Variants in ATG7 observed in about 807,000 individuals in gnomAD.
ATG7 encodes the protein ubiquitin-like modifier-activating enzyme ATG7.
Under a neutral mutation model 82.4 loss-of-function variants are expected in ATG7, and 70 were observed. The observed-to-expected ratio is 0.85, with a 90% confidence interval of 0.70 to 1.04. ATG7 has a LOEUF of 1.04. Among genes scored for constraint, ATG7 ranks in the 50% least tolerant of loss-of-function variants. The pLI is 0.00. For synonymous variants in ATG7, 287 were observed against 313.0 expected (o/e 0.92, Z 0.88); for missense variants, 792 against 864.3 (o/e 0.92, Z 1.05).
intron 3 of ATG7, among the ~76,000 whole-genome samples, chr3:11,294,017 C>CAAAAAAA (rs148344958): frequency 1.0e-5 from 1 of 98,446 alleles, no homozygotes; most frequent in Non-Finnish European, 2.0e-5. Flanking sequence ...GACTCCGTCT[C>CAAAAAAA]AAAAAAAAAA....
intron 14 of ATG7, among the ~76,000 whole-genome samples, chr3:11,355,457 G>A (rs2075868299): frequency 6.6e-6 from 1 of 152,176 alleles, no homozygotes; most frequent in Non-Finnish European, 1.5e-5. Context: ...GCCAAACTGA[G>A]AAGACATGTG....
At chr3:11,455,262 C>T (rs1483565946) in intron 20 of ATG7, among the ~76,000 whole-genome samples, 1 of 152,216 alleles carries the variant, frequency 6.6e-6, no homozygotes, top group African/African-American at 2.4e-5. Context: ...AACTTAACTA[C>T]AGTAGTAAAG....
intron 20 of ATG7, among the ~76,000 whole-genome samples, chr3:11,511,352 T>TA (rs2092043456): frequency 6.6e-6 from 1 of 152,178 alleles, no homozygotes; most frequent in African/African-American, 2.4e-5. Context: ...ATTAGTTAGA[T>TA]ACAGAGTTTC....
intron 20 of ATG7, among the ~76,000 whole-genome samples, chr3:11,516,447 C>T (rs538784561): frequency 4.6e-5 from 7 of 152,190 alleles, no homozygotes; most frequent in South Asian, 2.1e-4. Flanking sequence ...CTGACAACAC[C>T]GAATGGTAGT....
chr3:11,396,869 A>G (rs1186770950), intron 19 of ATG7, among the ~76,000 whole-genome samples: 2 of 152,150 alleles, frequency 1.3e-5, no homozygotes, highest in Admixed American at 6.5e-5. Context: ...AGGTTCTTGC[A>G]TTGTCTTGGA....
At chr3:11,278,918 T>G (rs1411447689) in intron 1 of ATG7, among the ~76,000 whole-genome samples, 1 of 152,150 alleles carries the variant, frequency 6.6e-6, no homozygotes, top group Non-Finnish European at 1.5e-5. Flanking sequence ...AAGTGATGAT[T>G]GAGCTGTGAT....
At chr3:11,437,927 A>G (rs1043404256) in intron 20 of ATG7, among the ~76,000 whole-genome samples, 5 of 152,202 alleles carry the variant, frequency 3.3e-5, no homozygotes, top group Admixed American at 6.5e-5. Context: ...AATCCAGTAC[A>G]TGTCCGAATT....
the ATG7 span, chr3:11,568,506 G>C: frequency 2.0e-6 from 3 of 1,478,248 alleles, no homozygotes; most frequent in African/African-American, 4.2e-5. The surrounding 1 kb of genome is among the most constrained non-coding windows in gnomAD (Gnocchi z 5.9). Flanking sequence ...GTGGAACACA[G>C]CACAGTGGGC....
chr3:11,526,357 A>G (rs1347382202), intron 20 of ATG7, among the ~76,000 whole-genome samples: 1 of 152,076 alleles, frequency 6.6e-6, no homozygotes, highest in Non-Finnish European at 1.5e-5. Flanking sequence ...ACTCCACTGC[A>G]CTCCAGCCTA....
chr3:11,568,467 T>G, the ATG7 span: 1 of 1,241,238 alleles, frequency 8.1e-7, no homozygotes, highest in Non-Finnish European at 1.1e-6. The surrounding 1 kb of genome is among the most constrained non-coding windows in gnomAD (Gnocchi z 5.9). Flanking sequence ...GAAGGGGACT[T>G]CCAGGCCCAC....
chr3:11,504,965 G>A (rs755385763), intron 20 of ATG7, among the ~76,000 whole-genome samples: 5 of 152,116 alleles, frequency 3.3e-5, no homozygotes, highest in Non-Finnish European at 4.4e-5. Context: ...CTCATTTACC[G>A]AGCAAAATGG....
chr3:11,372,827 C>CGTGCGTGCGT (rs1401366116), intron 18 of ATG7, among the ~76,000 whole-genome samples: 2 of 127,566 alleles, frequency 1.6e-5, no homozygotes, highest in East Asian at 4.2e-4. Context: ...CGCGCGTGTG[C>CGTGCGTGCGT]GTGTGTGTGC....
chr3:11,333,644 GTA>G (rs1036284508), intron 11 of ATG7, among the ~76,000 whole-genome samples: 16 of 150,678 alleles, frequency 1.1e-4, no homozygotes, highest in South Asian at 2.1e-4. Context: ...GTGTGTGTGT[GTA>G]TATATATATA....
At chr3:11,297,568 C>A (rs1287699213) in intron 3 of ATG7, among the ~76,000 whole-genome samples, 1 of 152,044 alleles carries the variant, frequency 6.6e-6, no homozygotes, top group Non-Finnish European at 1.5e-5. Flanking sequence ...TATACGTATG[C>A]ATGATTGCCA....
At chr3:11,279,615 C>G (rs1251289712) in intron 1 of ATG7, among the ~76,000 whole-genome samples, 1 of 152,114 alleles carries the variant, frequency 6.6e-6, no homozygotes, top group Non-Finnish European at 1.5e-5. Context: ...ACCCGGGAGG[C>G]AGAGGTTGCA....
chr3:11,492,174 T>G (rs2090425761), intron 20 of ATG7, among the ~76,000 whole-genome samples: 1 of 152,192 alleles, frequency 6.6e-6, no homozygotes, highest in Non-Finnish European at 1.5e-5. Context: ...GTGCGCCGTT[T>G]TTAAAGCCCA....
chr3:11,330,135 C>G (rs1951437474), intron 9 of ATG7, among the ~76,000 whole-genome samples: 1 of 152,148 alleles, frequency 6.6e-6, no homozygotes, highest in Non-Finnish European at 1.5e-5. Context: ...ACATGACATC[C>G]TTGGTAATGT....
At chr3:11,541,510 G>A (rs534937412) in intron 20 of ATG7, among the ~76,000 whole-genome samples, 9 of 152,256 alleles carry the variant, frequency 5.9e-5, no homozygotes, top group East Asian at 3.9e-4. Flanking sequence ...CCGATGGTCC[G>A]GCCCAGTGGC....
chr3:11,340,804 G>A, intron 12 of ATG7, 69 bp downstream of exon 12: 1 of 1,400,312 alleles, frequency 7.1e-7, no homozygotes, highest in Non-Finnish European at 1.0e-6. Context: ...GTTCTGTCAG[G>A]CCAACACAAC....
Sources: gnomAD v4.1 joint callset for allele counts (sites outside exome capture counted in the v4.1 genomes callset) on GRCh38, gnomAD v4.1.1 for gene constraint, Gnocchi (gnomAD v3.1) non-coding constraint, MANE v1.5 for transcripts, NCBI Gene and HGNC (gene_info 2026-07-23, HGNC 2026-07-21) for gene names.